The following ITFG1 variants were observed in gnomAD, a reference collection of about 807,000 sequenced individuals.
The protein encoded by ITFG1 is T-cell immunomodulatory protein.
In ITFG1, 34 loss-of-function variants were observed where a neutral mutation model predicts 81.8. The ratio of observed to expected loss-of-function variants is 0.42; its 90% CI spans 0.32 to 0.55. ITFG1 has a LOEUF of 0.55. Ranked by LOEUF, ITFG1 falls within the 20% of genes least tolerant of loss-of-function variation. The probability of loss-of-function intolerance (pLI) is 0.17; values close to 1 mark genes in which losing one functional copy is unlikely to be tolerated. For synonymous variants in ITFG1, 285 were observed against 270.6 expected (o/e 1.05, Z -0.52); for missense variants, 672 against 755.4 (o/e 0.89, Z 1.29).
At chr16:47,173,250 C>A (rs985211566) in intron 14 of ITFG1, among the ~76,000 whole-genome samples, 2 of 152,148 alleles carry the variant, frequency 1.3e-5, no homozygotes, top group South Asian at 4.1e-4. Context: ...AGTACGTTAA[C>A]ACTGCCTAAC....
intron 10 of ITFG1, among the ~76,000 whole-genome samples, chr16:47,308,618 A>T (rs900907161): frequency 3.3e-5 from 5 of 152,370 alleles, no homozygotes; most frequent in African/African-American, 1.2e-4. Context: ...AAAGTAATAC[A>T]AACTAAAATT....
chr16:47,319,505 C>G (rs970404715), intron 8 of ITFG1, among the ~76,000 whole-genome samples: 1 of 152,168 alleles, frequency 6.6e-6, no homozygotes, highest in Non-Finnish European at 1.5e-5. Flanking sequence ...CACTGCTTTT[C>G]GTCAACACAA....
upstream of ITFG1, chr16:47,461,166 T>C (rs1014360598): frequency 1.2e-5 from 13 of 1,066,564 alleles, no homozygotes; most frequent in South Asian, 1.7e-5. Flanking sequence ...CGCTGCCGGC[T>C]CCTTTTTCTC....
intron 14 of ITFG1, 161 bp from the exon 15 acceptor site, chr16:47,162,825 T>C (rs982539084): frequency 6.5e-6 from 4 of 615,678 alleles, no homozygotes; most frequent in African/African-American, 5.7e-5. Context: ...GATTCACTTT[T>C]TTCTTTTTTT....
At chr16:47,156,694 T>C (rs1283413323) in intron 17 of ITFG1, among the ~76,000 whole-genome samples, 1 of 152,106 alleles carries the variant, frequency 6.6e-6, no homozygotes. Context: ...AGGGAAAGCA[T>C]TTGAAAGTAT....
chr16:47,270,526 A>G (rs1430870789), intron 10 of ITFG1, among the ~76,000 whole-genome samples: 1 of 152,240 alleles, frequency 6.6e-6, no homozygotes, highest in Non-Finnish European at 1.5e-5. Flanking sequence ...TTAAACATGC[A>G]TGTTTCAAAA....
chr16:47,292,126 G>A (rs974590962), intron 10 of ITFG1, among the ~76,000 whole-genome samples: 1 of 151,698 alleles, frequency 6.6e-6, no homozygotes, highest in Non-Finnish European at 1.5e-5. Flanking sequence ...AGATTCTCCT[G>A]CCTCAGCCTC....
intron 8 of ITFG1, among the ~76,000 whole-genome samples, chr16:47,318,426 A>C (rs1967398791): frequency 6.6e-6 from 1 of 152,172 alleles, no homozygotes; most frequent in Admixed American, 6.5e-5. Context: ...ATCTTTTGAT[A>C]ATCCAAACAA....
intron 12 of ITFG1, among the ~76,000 whole-genome samples, chr16:47,239,073 A>G (rs991348355): frequency 5.3e-5 from 8 of 152,160 alleles, no homozygotes; most frequent in Non-Finnish European, 1.2e-4. Context: ...ACGTGGCAAC[A>G]AGGTGCCATT....
intron 14 of ITFG1, among the ~76,000 whole-genome samples, chr16:47,177,119 C>G (rs1965038394): frequency 6.6e-6 from 1 of 152,016 alleles, no homozygotes; most frequent in Non-Finnish European, 1.5e-5. Context: ...GACATCATAT[C>G]TGGCTAATTT....
At chr16:47,324,913 T>C (rs1466286447) in intron 8 of ITFG1, among the ~76,000 whole-genome samples, 1 of 152,120 alleles carries the variant, frequency 6.6e-6, no homozygotes, top group Admixed American at 6.6e-5. Flanking sequence ...CTGTCAACAT[T>C]AGACAGATCA....
intron 6 of ITFG1, among the ~76,000 whole-genome samples, chr16:47,423,900 T>C (rs550658162): frequency 2.0e-5 from 3 of 152,240 alleles, no homozygotes; most frequent in Non-Finnish European, 4.4e-5. Flanking sequence ...CTGACAATTA[T>C]GTGTCTTGGG....
chr16:47,177,101 A>G (rs1356228381), intron 14 of ITFG1, among the ~76,000 whole-genome samples: 1 of 152,076 alleles, frequency 6.6e-6, no homozygotes, highest in African/African-American at 2.4e-5. Context: ...CTGGGAGTAT[A>G]GGCACATGAC....
At chr16:47,207,407 G>T (rs1965513815) in intron 14 of ITFG1, among the ~76,000 whole-genome samples, 1 of 152,166 alleles carries the variant, frequency 6.6e-6, no homozygotes, top group African/African-American at 2.4e-5. Flanking sequence ...TCTAATGGAG[G>T]TACCACACAA....
chr16:47,293,839 T>C (rs1029581684), intron 10 of ITFG1, among the ~76,000 whole-genome samples: 1 of 152,134 alleles, frequency 6.6e-6, no homozygotes, highest in Non-Finnish European at 1.5e-5. Flanking sequence ...TGTTGATTAT[T>C]TCTTTTGCTG....
Position 47,327,161 on chromosome 16 carries a change from A to C in ITFG1, c.803-13338T>G, listed in dbSNP as rs1036171742. 7.2e-5 allele frequency among the ~76,000 whole-genome samples: 11 copies of C among 152,304 alleles called. 1 individual carries two copies. Among genetic ancestry groups the C allele is most frequent in the African/African-American group, 2.6e-4 (11 of 41,554 alleles). On this transcript the variant is annotated intron_variant, in intron 8 of 17. Transcript: ENST00000320640. Reference sequence around the variant, plus strand: ...AATGGAACAGAACAGAGCCCTCAGAAATAATGTCACATATCTACAACTATC... The same window carrying C: ...AATGGAACAGAACAGAGCCCTCAGACATAATGTCACATATCTACAACTATC...
At chr16:47,454,298 T>C (rs1258201125) in intron 2 of ITFG1, 140 bp from the exon 3 acceptor site, 8 of 729,974 alleles carry the variant, frequency 1.1e-5, no homozygotes, top group Non-Finnish European at 1.9e-5. Flanking sequence ...TTTCCTATCT[T>C]TTCATCCATC....
intron 14 of ITFG1, among the ~76,000 whole-genome samples, chr16:47,169,447 A>C (rs1018889326): frequency 7.2e-5 from 11 of 151,960 alleles, no homozygotes; most frequent in African/African-American, 2.7e-4. Context: ...TTACTCTTCT[A>C]AATGTTGCAA....
At chr16:47,300,113 T>C (rs1053723862) in intron 10 of ITFG1, among the ~76,000 whole-genome samples, 3 of 152,160 alleles carry the variant, frequency 2.0e-5, no homozygotes, top group Non-Finnish European at 4.4e-5. Flanking sequence ...GATTGTATGA[T>C]TCCCCAGTGG....
Sources: allele counts gnomAD v4.1 joint callset (sites outside exome capture counted in the v4.1 genomes callset), GRCh38; gene constraint gnomAD v4.1.1; transcripts MANE v1.5; gene names NCBI Gene and HGNC (gene_info 2026-07-23, HGNC 2026-07-21).